SNX24: variants seen among roughly 807,000 people sequenced by gnomAD.
SNX24 encodes sorting nexin-24.
Under a neutral mutation model 28.7 loss-of-function variants are expected in SNX24, and 22 were observed. The observed-to-expected ratio is 0.77, with a 90% CI of 0.55 to 1.10. SNX24 has a LOEUF of 1.10. Among genes scored for constraint, SNX24 ranks in the 50% least tolerant of loss-of-function variants. The pLI, the probability that SNX24 is intolerant of heterozygous loss-of-function variation, is 0.00. For synonymous variants in SNX24, 69 were observed against 71.5 expected (o/e 0.96, Z 0.18); for missense variants, 221 against 201.1 (o/e 1.10, Z -0.60).
intron 2 of SNX24, among the ~76,000 whole-genome samples, chr5:122,944,951 G>A (rs1561636501): frequency 2.0e-5 from 3 of 152,134 alleles, no homozygotes; most frequent in South Asian, 4.2e-4. Context: ...AAGAGGCAGT[G>A]CATTAGTTTC....
At chr5:122,989,330 T>C (rs1002137162) in intron 3 of SNX24, among the ~76,000 whole-genome samples, 2 of 152,078 alleles carry the variant, frequency 1.3e-5, no homozygotes, top group African/African-American at 2.4e-5. Context: ...AATTATAAGA[T>C]GACAACTAAG....
intron 6 of SNX24, among the ~76,000 whole-genome samples, chr5:123,006,809 T>TA (rs1268095537): frequency 1.3e-5 from 2 of 152,198 alleles, no homozygotes; most frequent in Non-Finnish European, 2.9e-5. Context: ...CCTCCTCTGA[T>TA]GAGGCCCAAT....
intron 1 of SNX24, among the ~76,000 whole-genome samples, chr5:122,934,822 G>C (rs1285330812): frequency 6.6e-6 from 1 of 152,170 alleles, no homozygotes; most frequent in East Asian, 1.9e-4. Context: ...AAGAATTAAA[G>C]TTTATCGCAA....
At chr5:123,022,688 T>C (rs1217724938) in intron 5 of SNX24, 1 of 152,330 alleles carries the variant, frequency 6.6e-6, no homozygotes, top group African/African-American at 2.4e-5. Flanking sequence ...CCCATCAGTA[T>C]AGCTCACTAT....
At position 122,945,589 on chromosome 5, in the gene SNX24, T is replaced by C. The variant is rs143791534; in HGVS notation, c.145-466T>C. 2.0e-5 allele frequency among the ~76,000 whole-genome samples: 3 copies of C among 152,340 alleles called. No homozygotes were observed. The East Asian group carries it at 5.8e-4, about 29-fold the overall frequency. On this transcript the variant is annotated intron_variant, in intron 2 of 6. Coordinates refer to ENST00000261369, the MANE Select transcript of SNX24 (RefSeq NM_014035.4). ...GTTTTTAAGTTCTCTCTCCAAATGA[T>C]GTGGTCTAGTTAATGGCATTTCTAG...
rs562216743 is a variant in SNX24, at chr5:122,991,423, G to T, written c.250-8489G>T. On this transcript the variant is annotated intron_variant, in intron 3 of 6. Transcript: ENST00000261369. ...GAAGTTGTCAAACAGGTTTTGAAAT[G>T]TTATGAGTCCAGATCCTTTTGTTTT... Among the ~76,000 whole-genome samples, 16 of 152,206 alleles carry T rather than the reference G, an allele frequency of 1.1e-4. No individual in the cohort carries two copies. In the South Asian group the frequency reaches 2.7e-3, roughly 26 times the overall value.
intron 3 of SNX24, among the ~76,000 whole-genome samples, chr5:122,988,917 TA>T (rs1761714094): frequency 6.6e-6 from 1 of 152,232 alleles, no homozygotes; most frequent in African/African-American, 2.4e-5. Context: ...TTATTTGTGT[TA>T]TGGACTTTTT....
intron 1 of SNX24, among the ~76,000 whole-genome samples, chr5:122,899,699 G>A (rs528767988): frequency 3.3e-4 from 50 of 152,240 alleles, no homozygotes; most frequent in African/African-American, 1.1e-3. Context: ...GCGAGGCACT[G>A]TGCCTGGCCC....
intron 1 of SNX24, among the ~76,000 whole-genome samples, chr5:122,923,773 A>G (rs974393524): frequency 6.6e-6 from 1 of 152,214 alleles, no homozygotes; most frequent in Non-Finnish European, 1.5e-5. Context: ...TGATGCTCAT[A>G]GAAAGGAGCC....
At chr5:122,852,173 A>G (rs1754953327) in intron 1 of SNX24, among the ~76,000 whole-genome samples, 1 of 150,626 alleles carries the variant, frequency 6.6e-6, no homozygotes, top group Admixed American at 6.6e-5. Flanking sequence ...TTTTTTAAAA[A>G]TTTTATTTTA....
chr5:122,900,769 CAAAA>C lies in SNX24; in HGVS notation c.61-35962_61-35959del, dbSNP rs1040934701. Among the ~76,000 whole-genome samples, 5 of 150,010 alleles carry C rather than the reference CAAAA, an allele frequency of 3.3e-5. No individual in the cohort carries two copies. In the South Asian group the frequency reaches 6.3e-4, roughly 19 times the overall value. ...GGGTGACAGAGTGAAACTTCAGTCT[CAAAA>C]AAGAAAGAAAAAAGAAATAAAACAA... On this transcript the variant is annotated intron_variant, in intron 1 of 6. Transcript: ENST00000261369.
At chr5:123,010,947 T>G (rs1285874018), downstream of SNX24, among the ~76,000 whole-genome samples, 4 of 152,172 alleles carry the variant, frequency 2.6e-5, no homozygotes, top group Non-Finnish European at 5.9e-5. Context: ...GGATCTTCTA[T>G]AATTTGTGTA....
downstream of SNX24, among the ~76,000 whole-genome samples, chr5:123,013,800 G>A (rs1422713679): frequency 6.6e-6 from 1 of 151,404 alleles, no homozygotes; most frequent in Non-Finnish European, 1.5e-5. Context: ...GAACTCCTAT[G>A]TACTGAGTTT....
Position 122,892,792 on chromosome 5 carries a change from G to A in SNX24, c.61-43942G>A, listed in dbSNP as rs190392290. 4.6e-3 allele frequency among the ~76,000 whole-genome samples: 688 copies of A among 150,302 alleles called. 7 individuals carry two copies. Among genetic ancestry groups the A allele is most frequent in the African/African-American group, 0.015 (610 of 40,984 alleles). On this transcript the variant is annotated intron_variant, in intron 1 of 6. Transcript: ENST00000261369. ...ATTAATTTTTATTTTTTTCTGAGAT[G>A]GAGTCTCACTCTGTCACCCAGGCTG...
rs141103775 is a variant in SNX24 at position 122,876,161 on chromosome 5, A to G, written c.60+30468A>G. Among the ~76,000 whole-genome samples, 400 of 152,314 alleles carry G rather than the reference A, an allele frequency of 2.6e-3. 1 individual carries two copies. The highest frequency in any genetic ancestry group is 9.4e-3 in the African/African-American group (389 of 41,564). The stretch of plus-strand genomic sequence containing the variant: ...CGCCTGGCCCCATTGCTTTTCTTCA[A>G]GTGATTTTCTTAGATGAATATGGGT... On this transcript the variant is annotated intron_variant, in intron 1 of 6. Transcript: ENST00000261369.
At chr5:122,977,415 G>C (rs1287598012) in intron 3 of SNX24, among the ~76,000 whole-genome samples, 1 of 147,494 alleles carries the variant, frequency 6.8e-6, no homozygotes, top group African/African-American at 2.5e-5. Context: ...AGATGTCATA[G>C]GGATAGAGAA....
downstream of SNX24, among the ~76,000 whole-genome samples, chr5:123,011,023 C>T (rs1762565264): frequency 6.6e-6 from 1 of 152,134 alleles, no homozygotes; most frequent in Non-Finnish European, 1.5e-5. Context: ...CCATATTGCT[C>T]TACAGGTTGT....
At chr5:122,976,265 G>A (rs772020331) in intron 3 of SNX24, among the ~76,000 whole-genome samples, 42 of 147,016 alleles carry the variant, frequency 2.9e-4, no homozygotes, top group Non-Finnish European at 5.2e-4. Flanking sequence ...AGACCAAAAT[G>A]TGGGAAATCT....
At chr5:122,979,429 T>A (rs1444407087) in intron 3 of SNX24, among the ~76,000 whole-genome samples, 1 of 151,968 alleles carries the variant, frequency 6.6e-6, no homozygotes, top group African/African-American at 2.4e-5. Context: ...TGAAAAGGGG[T>A]GTAGATCTGG....
Sources: allele counts gnomAD v4.1 joint callset (sites outside exome capture counted in the v4.1 genomes callset), GRCh38; gene constraint gnomAD v4.1.1; transcripts MANE v1.5; gene names NCBI Gene and HGNC (gene_info 2026-07-23, HGNC 2026-07-21).